EIF5A: variants seen among roughly 807,000 people sequenced by gnomAD.
EIF5A encodes eukaryotic translation initiation factor 5A-1.
In EIF5A, 1 loss-of-function variant was observed where a neutral mutation model predicts 16.6. The ratio of observed to expected loss-of-function variants is 0.06; its 90% CI spans 0.02 to 0.28. EIF5A has a LOEUF of 0.28. EIF5A is among the 10% of genes least tolerant of loss of function. EIF5A has a pLI of 1.00. For missense variants in EIF5A, 29 were observed against 196.1 expected, an observed-to-expected ratio of 0.15 and a Z score of 5.09; for synonymous variants, 80 against 73.6, an observed-to-expected ratio of 1.09 and a Z score of -0.44.
At chr17:7,309,848 T>G in intron 2 of EIF5A, 48 bp downstream of exon 2, 1 of 1,614,080 alleles carries the variant, frequency 6.2e-7, no homozygotes, top group Non-Finnish European at 8.5e-7. Context: ...CTCCAGTATC[T>G]TTGGCGCTCC....
upstream of EIF5A, chr17:7,307,530 C>T (rs2072658688): frequency 2.0e-6 from 2 of 1,011,558 alleles, no homozygotes; most frequent in Middle Eastern, 4.8e-4. Flanking sequence ...GGTGTGTGCG[C>T]TTGCGCAGTG....
At chr17:7,310,049 G>A in intron 2 of EIF5A, 1 of 1,482,708 alleles carries the variant, frequency 6.7e-7, no homozygotes, top group East Asian at 2.8e-5. Flanking sequence ...CCAGCTTTGT[G>A]CCAATCTCTT....
chr17:7,310,071 C>T, intron 2 of EIF5A: 1 of 1,442,984 alleles, frequency 6.9e-7, no homozygotes, highest in South Asian at 1.2e-5. Flanking sequence ...AATTCATAGG[C>T]CTTTATGCTC....
At chr17:7,310,146 G>C in intron 2 of EIF5A, 1 of 1,304,530 alleles carries the variant, frequency 7.7e-7, no homozygotes, top group Non-Finnish European at 1.0e-6. Flanking sequence ...TTGAGCCGTT[G>C]TTAAGTGGTT....
Position 7,309,686 on chromosome 17 carries a change from C to T in EIF5A, c.51C>T (p.Thr17=). ...FETGDAGASA[T]FPMQCSALRK... ...CAGGAGATGCAGGGGCCTCAGCCAC[C>T]TTCCCAATGCAGTGCTCAGCATTAC... Residue 17 remains threonine (T), a synonymous_variant, in exon 2 of 6, where the codon ACC becomes ACT. Coordinates refer to ENST00000336458, the MANE Select transcript of EIF5A (RefSeq NM_001970.5). The T allele has an allele frequency of 6.2e-7, 1 of 1,614,212 alleles. No individual in the cohort carries two copies. The highest frequency in any genetic ancestry group is 8.5e-7 in the Non-Finnish European group (1 of 1,180,034).
chr17:7,310,566 CAT>C, intron 2 of EIF5A: 1 of 1,083,348 alleles, frequency 9.2e-7, no homozygotes, highest in Non-Finnish European at 1.1e-6. Context: ...TTTCTAGCTA[CAT>C]AGTTATTTCT....
Position 7,311,620 on chromosome 17 carries a change from A to G in EIF5A, c.445A>G (p.Ile149Val), listed in dbSNP as rs573766022. ...CATGACAGAGGAGGCAGCTGTTGCA[A>G]TCAAGGCCATGGCAAAATAACTGGC... ...SAMTEEAAVAIKAMAK is the reference protein window; with the variant it reads ...SAMTEEAAVAVKAMAK Residue 149 changes from isoleucine (I) to valine (V), a missense_variant, in exon 5 of 6, where the codon ATC becomes GTC. Transcript: ENST00000336458. 2 of 1,614,146 alleles carry G rather than the reference A, an allele frequency of 1.2e-6. No individual in the cohort carries two copies. Among genetic ancestry groups the G allele is most frequent in the Admixed American group, 1.7e-5 (1 of 60,020 alleles).
chr17:7,307,136 T>C, upstream of EIF5A: 1 of 1,579,056 alleles, frequency 6.3e-7, no homozygotes, highest in Non-Finnish European at 8.6e-7. Flanking sequence ...TAAGTCCAGT[T>C]AAAGCCGAGG....
At chr17:7,307,987 C>T in intron 1 of EIF5A, 1 of 985,092 alleles carries the variant, frequency 1.0e-6, no homozygotes, top group Non-Finnish European at 1.2e-6. Flanking sequence ...GGACGGCGAG[C>T]CGCGAGGCAG....
Position 7,310,841 on chromosome 17 carries a change from G to T in EIF5A, c.166-177G>T, listed in dbSNP as rs558030957. The T allele has an allele frequency of 3.2e-4, 313 of 985,104 alleles. 2 individuals carry two copies. In the African/African-American group the frequency reaches 4.6e-3, roughly 14 times the overall value. The allele number at this position is 985,104 out of a possible 1,614,324, so 61.0% of individuals were successfully genotyped here. On this transcript the variant is annotated intron_variant, in intron 2 of 5. Transcript: ENST00000336458. ...TCTCAACGGTGGTTTTTTAGCCTCTGTTTTTTTTCTTTAAGAGGCTTTACT... is the reference window on the plus strand; with the variant it reads ...TCTCAACGGTGGTTTTTTAGCCTCTTTTTTTTTTCTTTAAGAGGCTTTACT...
At chr17:7,308,091 C>T (rs2072681657) in intron 1 of EIF5A, 2 of 993,222 alleles carry the variant, frequency 2.0e-6, no homozygotes, top group Non-Finnish European at 2.4e-6. Context: ...CGTTGAGGAC[C>T]CGGCTCAGCG....
chr17:7,310,687 C>CGGAAA, intron 2 of EIF5A: 2 of 985,386 alleles, frequency 2.0e-6, no homozygotes, highest in Non-Finnish European at 2.4e-6. Context: ...TCCTGGTGTC[C>CGGAAA]GGAAAACTCT....
chr17:7,310,650 C>T (rs2072793517), intron 2 of EIF5A: 1 of 985,364 alleles, frequency 1.0e-6, no homozygotes, highest in Non-Finnish European at 1.2e-6. Flanking sequence ...TTCTACCTTC[C>T]TTATTCCCCA....
rs1219363489 is a variant in EIF5A, at chr17:7,310,103, C to T, written c.165+303C>T. On this transcript the variant is annotated intron_variant, in intron 2 of 5. Coordinates refer to ENST00000336458, the MANE Select transcript of EIF5A (RefSeq NM_001970.5). ...GCTCTAGCTATTCAGTTGCTCCTTC[C>T]TTATTCTTGGTTTTCACTTTTTCTT... 6 of 1,369,624 alleles carry T rather than the reference C, an allele frequency of 4.4e-6. No individual in the cohort carries two copies. The East Asian group carries it at 1.6e-4, about 36-fold the overall frequency. The allele number at this position is 1,369,624 out of a possible 1,614,324, so 84.8% of individuals were successfully genotyped here. A position where few individuals can be genotyped will look rare whatever the true frequency, so the allele number is the denominator to read the frequency against.
Position 7,308,210 on chromosome 17 carries a change from T to C in EIF5A, c.-22+458T>C, listed in dbSNP as rs965669480. On this transcript the variant is annotated intron_variant, in intron 1 of 5. Coordinates refer to ENST00000336458, the MANE Select transcript of EIF5A (RefSeq NM_001970.5). ...GGCGTGGCTCCGGCCTGGCGCAGTC[T>C]CTGAGGAGGGGGCGGCCGCGGCACC... is the stretch of plus-strand genomic sequence containing the variant. 39 of 968,914 alleles carry C rather than the reference T, an allele frequency of 4.0e-5. No individual in the cohort carries two copies. The Admixed American group carries it at 2.3e-3, about 57-fold the overall frequency. The allele number at this position is 968,914 out of a possible 1,614,324, so 60.0% of individuals were successfully genotyped here.
rs536311958 is a variant in EIF5A, at chr17:7,308,327, C to T, written c.-22+575C>T. On this transcript the variant is annotated intron_variant, in intron 1 of 5. Coordinates refer to ENST00000336458, the MANE Select transcript of EIF5A (RefSeq NM_001970.5). ...CGCATGGCAGCGCGGGGACCCCTCC[C>T]CCCAGGTCCCGGCCACCGGAAGCCC... 1.9e-4 allele frequency: 219 copies of T among 1,171,024 alleles called. 1 individual carries two copies. In the South Asian group the frequency reaches 3.2e-3, roughly 17 times the overall value. 72.5% of individuals were successfully genotyped at this position (1,171,024 alleles called of 1,614,324 possible).
At position 7,311,768 on chromosome 17, in the gene EIF5A, A is replaced by G. The variant is rs533693273; in HGVS notation, c.*12-54A>G. On this transcript the variant is annotated intron_variant, in intron 5 of 5. Coordinates refer to ENST00000336458, the MANE Select transcript of EIF5A (RefSeq NM_001970.5). ...CCCCTAGCCTGGCTCTGTCCTCCCT[A>G]TCCTTCCTGTTGAAGGTATTATCCT... 18 of 1,318,354 alleles carry G rather than the reference A, an allele frequency of 1.4e-5. 1 individual carries two copies. Among genetic ancestry groups the G allele is most frequent in the Admixed American group, 1.0e-4 (5 of 49,654 alleles). The allele number at this position is 1,318,354 out of a possible 1,614,324, so 81.7% of individuals were successfully genotyped here.
intron 2 of EIF5A, 87 bp downstream of exon 2, chr17:7,309,887 T>G (rs1272911250): frequency 6.2e-7 from 1 of 1,613,346 alleles, no homozygotes; most frequent in Non-Finnish European, 8.5e-7. Context: ...AGTGCTGACT[T>G]TCCTTTAACT....
chr17:7,309,955 A>G, intron 2 of EIF5A, 155 bp downstream of exon 2: 3 of 1,548,856 alleles, frequency 1.9e-6, no homozygotes, highest in Non-Finnish European at 2.6e-6. Flanking sequence ...CCATTCAGAC[A>G]ACTACACCTG....
Sources: gnomAD v4.1 joint callset for allele counts on GRCh38, gnomAD v4.1.1 for gene constraint, MANE v1.5 for transcripts, NCBI Gene and HGNC (gene_info 2026-07-23, HGNC 2026-07-21) for gene names.